DNAH11: variants seen among roughly 807,000 people sequenced by gnomAD.
The protein encoded by DNAH11 is dynein axonemal heavy chain 11, also known as axonemal beta dynein heavy chain 11.
In DNAH11, 442 loss-of-function variants were observed where a neutral mutation model predicts 526.0. That is an observed-to-expected ratio of 0.84 (90% CI 0.78 to 0.91). The LOEUF (loss-of-function observed/expected upper bound fraction) is 0.91, where lower values mean the gene tolerates loss of function less well. Ranked by LOEUF, DNAH11 falls within the 40% of genes least tolerant of loss-of-function variation. DNAH11 has a pLI of 0.00. For synonymous variants in DNAH11, 2,461 were observed against 1,935.9 expected, an observed-to-expected ratio of 1.27 and a Z score of -7.12; for missense variants, 6,989 against 5,448.7, an observed-to-expected ratio of 1.28 and a Z score of -8.90.
At position 21,774,931 on chromosome 7, in the gene DNAH11, T is replaced by C. The variant is rs143073467; in HGVS notation, c.9336+932T>C. Among the ~76,000 whole-genome samples the C allele has an allele frequency of 2.5e-3, 384 of 152,280 alleles. 1 individual carries two copies. The highest frequency in any genetic ancestry group is 5.0e-3 in the South Asian group (24 of 4,824). ...GTCATGTCATCAGGTCAGACTCTCA[T>C]ATGCTTTACAAGGATTGGGGCAGTG... On this transcript the variant is annotated intron_variant, in intron 56 of 81. Coordinates refer to ENST00000409508, the MANE Select transcript of DNAH11 (RefSeq NM_001277115.2).
At chr7:21,555,435 T>C (rs1783179149) in intron 2 of DNAH11, among the ~76,000 whole-genome samples, 1 of 152,190 alleles carries the variant, frequency 6.6e-6, no homozygotes, top group Admixed American at 6.5e-5. Context: ...CCATTTTTGG[T>C]CAGTCTTTGT....
intron 28 of DNAH11, among the ~76,000 whole-genome samples, chr7:21,651,270 T>C (rs957319256): frequency 2.0e-5 from 3 of 152,274 alleles, no homozygotes; most frequent in Non-Finnish European, 2.9e-5. Context: ...GTAGGGCAAA[T>C]ACGAACTTAG....
chr7:21,831,678 G>T (rs1043963396), intron 65 of DNAH11, among the ~76,000 whole-genome samples: 1 of 152,090 alleles, frequency 6.6e-6, no homozygotes, highest in Admixed American at 6.5e-5. Context: ...TTTCAAACTG[G>T]AATCCTGTAT....
chr7:21,658,067 A>G (rs1426621134), intron 29 of DNAH11, among the ~76,000 whole-genome samples: 1 of 152,146 alleles, frequency 6.6e-6, no homozygotes, highest in African/African-American at 2.4e-5. Flanking sequence ...TCCTAAGAAA[A>G]TAAATACCTG....
intron 67 of DNAH11, 51 bp from the exon 68 acceptor site, chr7:21,854,264 A>G (rs1444699526): frequency 6.3e-7 from 1 of 1,589,494 alleles, no homozygotes; most frequent in Non-Finnish European, 8.6e-7. Context: ...GGATATGCGT[A>G]GAGAATATGA....
chr7:21,660,335 C>T (rs1418782145), intron 30 of DNAH11, among the ~76,000 whole-genome samples: 1 of 151,962 alleles, frequency 6.6e-6, no homozygotes, highest in Non-Finnish European at 1.5e-5. Context: ...TTTTAAATTT[C>T]AGCTATCCTC....
chr7:21,744,755 C>T (rs1011398182), intron 50 of DNAH11, 115 bp from the exon 51 acceptor site: 13 of 1,422,060 alleles, frequency 9.1e-6, no homozygotes, highest in African/African-American at 4.3e-5. Flanking sequence ...GGGAACATTC[C>T]ACCCACCTAC....
intron 28 of DNAH11, among the ~76,000 whole-genome samples, chr7:21,640,857 G>A (rs1388844690): frequency 3.3e-5 from 5 of 151,962 alleles, no homozygotes; most frequent in African/African-American, 4.8e-5. Flanking sequence ...TTCATCCCCC[G>A]TCTCTGTCCA....
At chr7:21,656,648 CG>C (rs1195767314) in intron 29 of DNAH11, among the ~76,000 whole-genome samples, 1 of 152,070 alleles carries the variant, frequency 6.6e-6, no homozygotes, top group Admixed American at 6.6e-5. Context: ...ATGGAGCTTG[CG>C]TAGCTTGGGT....
At chr7:21,751,976 G>A (rs189493618) in intron 54 of DNAH11, among the ~76,000 whole-genome samples, 21 of 152,288 alleles carry the variant, frequency 1.4e-4, no homozygotes, top group East Asian at 3.9e-4. Flanking sequence ...AATGATTATC[G>A]TAATCTGTTG....
chr7:21,558,862 CAAG>C lies in DNAH11; in HGVS notation c.558_560del (p.Gln186_Asp187delinsHis). 1 of 1,608,772 alleles carries C rather than the reference CAAG, an allele frequency of 6.2e-7. No homozygotes were observed. Among genetic ancestry groups the C allele is most frequent in the Non-Finnish European group, 8.5e-7 (1 of 1,177,496 alleles). ...TAAGTCCTGGTCCTGTTTTACTTCACAAGATATGGAATATCACATAGAAGTCAT... is the reference window on the plus strand; with the variant it reads ...TAAGTCCTGGTCCTGTTTTACTTCACATATGGAATATCACATAGAAGTCAT... On this transcript the variant is annotated inframe_deletion, in exon 3 of 82. Coordinates refer to ENST00000409508, the MANE Select transcript of DNAH11 (RefSeq NM_001277115.2).
At chr7:21,633,594 G>A (rs1035196383) in intron 25 of DNAH11, among the ~76,000 whole-genome samples, 2 of 151,746 alleles carry the variant, frequency 1.3e-5, no homozygotes, top group Non-Finnish European at 2.9e-5. Context: ...TTTATTCATT[G>A]AGCACCTAAT....
At chr7:21,662,588 G>A (rs573316222) in intron 30 of DNAH11, among the ~76,000 whole-genome samples, 52 of 152,048 alleles carry the variant, frequency 3.4e-4, no homozygotes, top group Non-Finnish European at 6.5e-4. Flanking sequence ...TAACATTTGC[G>A]TTACCTCACT....
In DNAH11 at chr7:21,635,854, C is replaced by T; in HGVS notation, c.4501-17C>T. 1 of 1,585,576 alleles carries T rather than the reference C, an allele frequency of 6.3e-7. No homozygotes were observed. Among genetic ancestry groups the T allele is most frequent in the Admixed American group, 1.8e-5 (1 of 56,708 alleles). On this transcript the variant is annotated splice_polypyrimidine_tract_variant and intron_variant, in intron 25 of 81. Coordinates refer to ENST00000409508, the MANE Select transcript of DNAH11 (RefSeq NM_001277115.2). Reference sequence around the variant, plus strand: ...CTAAATTTAGCTACTATTTAAAATTCTTTGCCTTTATTTTAGGTTCAGTTG... The same window carrying T: ...CTAAATTTAGCTACTATTTAAAATTTTTTGCCTTTATTTTAGGTTCAGTTG...
In DNAH11 at chr7:21,860,947, C is replaced by T. The variant is rs531308320; in HGVS notation, c.11203-906C>T. 3.3e-5 allele frequency among the ~76,000 whole-genome samples: 5 copies of T among 152,278 alleles called. No homozygotes were observed. In the South Asian group the frequency reaches 1.0e-3, roughly 32 times the overall value. The stretch of plus-strand genomic sequence containing the variant: ...CATCAGATCTCATGAGAGTTATTCA[C>T]TACCACCAGAACAGTATGGGAGAAA... On this transcript the variant is annotated intron_variant, in intron 68 of 81. Coordinates refer to ENST00000409508, the MANE Select transcript of DNAH11 (RefSeq NM_001277115.2).
At chr7:21,625,397 T>A (rs925358527) in intron 25 of DNAH11, among the ~76,000 whole-genome samples, 3 of 152,174 alleles carry the variant, frequency 2.0e-5, no homozygotes, top group Admixed American at 2.0e-4. Flanking sequence ...GTTATCTCCC[T>A]TCTTTCCTTA....
Position 21,852,456 on chromosome 7 carries a change from G to T in DNAH11, c.10897-11G>T, listed in dbSNP as rs1229589927. The T allele has an allele frequency of 1.9e-6, 3 of 1,600,596 alleles. No homozygotes were observed. The highest frequency in any genetic ancestry group is 1.1e-5 in the South Asian group (1 of 88,500). ...ACCACCATTTCCCACACTTTTCTTGGTTTTTATTAGTTGGTATTGACAAAG... is the reference window on the plus strand; with the variant it reads ...ACCACCATTTCCCACACTTTTCTTGTTTTTTATTAGTTGGTATTGACAAAG... On this transcript the variant is annotated splice_polypyrimidine_tract_variant and intron_variant, in intron 66 of 81. Coordinates refer to ENST00000409508, the MANE Select transcript of DNAH11 (RefSeq NM_001277115.2).
At chr7:21,854,184 A>G (rs1782743721) in intron 67 of DNAH11, 131 bp from the exon 68 acceptor site, 5 of 881,898 alleles carry the variant, frequency 5.7e-6, no homozygotes, top group Admixed American at 3.3e-5. Flanking sequence ...GCTCGAGCAC[A>G]TGGATGCCAT....
At chr7:21,825,229 T>C (rs962644699) in intron 65 of DNAH11, among the ~76,000 whole-genome samples, 2 of 152,190 alleles carry the variant, frequency 1.3e-5, no homozygotes, top group Non-Finnish European at 2.9e-5. Context: ...AGCGTTCTTA[T>C]TGAAGGCCAT....
Sources: allele counts gnomAD v4.1 joint callset (sites outside exome capture counted in the v4.1 genomes callset), GRCh38; gene constraint gnomAD v4.1.1; transcripts MANE v1.5; gene names NCBI Gene and HGNC (gene_info 2026-07-23, HGNC 2026-07-21).